Variants in C8orf90 observed in about 807,000 individuals in gnomAD.
C8orf90 encodes chromosome 8 open reading frame 90, also known as uncharacterized protein C8orf90.
the C8orf90 span, chr8:141,518,713 TA>T: frequency 1.6e-5 from 8 of 491,996 alleles, no homozygotes; most frequent in Non-Finnish European, 2.5e-5. Flanking sequence ...ACAGAATAAA[TA>T]AAGAGTTTCC....
the C8orf90 span, among the ~76,000 whole-genome samples, chr8:141,516,048 C>T: frequency 1.1e-4 from 16 of 152,170 alleles, no homozygotes; most frequent in Non-Finnish European, 1.8e-4. Flanking sequence ...TGGCATTGGG[C>T]GCTGTCCACC....
chr8:141,517,178 A>C, the C8orf90 span, among the ~76,000 whole-genome samples: 1 of 152,228 alleles, frequency 6.6e-6, no homozygotes, highest in Admixed American at 6.5e-5. Context: ...AACAGACTGA[A>C]TATTGTTACC....
chr8:141,518,114 T>C, the C8orf90 span: 1 of 519,102 alleles, frequency 1.9e-6, no homozygotes, highest in Non-Finnish European at 3.4e-6. Flanking sequence ...CCTTCCAGAC[T>C]GGCCACCTCT....
At chr8:141,516,261 C>A in the C8orf90 span, among the ~76,000 whole-genome samples, 39 of 152,220 alleles carry the variant, frequency 2.6e-4, no homozygotes, top group Non-Finnish European at 5.3e-4. Context: ...CCCCACTTCC[C>A]TTCCGTCTCC....
the C8orf90 span, chr8:141,518,608 C>A: frequency 2.0e-6 from 1 of 488,982 alleles, no homozygotes; most frequent in Non-Finnish European, 3.6e-6. Flanking sequence ...CTGCTGCTGC[C>A]CGGCCCCGCC....
At chr8:141,518,222 C>G in the C8orf90 span, 1 of 589,640 alleles carries the variant, frequency 1.7e-6, no homozygotes, top group Admixed American at 3.1e-5. Flanking sequence ...GCAGGTCCCG[C>G]GGCGCCCCCG....
chr8:141,515,096 A>G, the C8orf90 span, among the ~76,000 whole-genome samples: 1 of 151,430 alleles, frequency 6.6e-6, no homozygotes, highest in Non-Finnish European at 1.5e-5. Flanking sequence ...CCCCTTCCGG[A>G]TCATTCTCCT....
At chr8:141,518,574 GCGGGGCCCGGGCC>G in the C8orf90 span, 2 of 423,720 alleles carry the variant, frequency 4.7e-6, no homozygotes, top group East Asian at 3.9e-5. Context: ...GCGCCCGCGC[GCGGGGCCCGGGCC>G]CGGCCTCGTC....
chr8:141,518,555 C>T, the C8orf90 span: 3 of 452,056 alleles, frequency 6.6e-6, no homozygotes, highest in Non-Finnish European at 1.1e-5. Context: ...GAGCGGCTGG[C>T]CCTGAGCTGC....
the C8orf90 span, among the ~76,000 whole-genome samples, chr8:141,517,195 A>G: frequency 5.0e-4 from 40 of 79,954 alleles, no homozygotes; most frequent in African/African-American, 1.2e-3. Flanking sequence ...TACCCCTCCC[A>G]AGGGTGTTGG....
chr8:141,515,131 C>G, the C8orf90 span, among the ~76,000 whole-genome samples: 16 of 151,524 alleles, frequency 1.1e-4, no homozygotes, highest in Non-Finnish European at 1.6e-4. Flanking sequence ...TAAAACTCAG[C>G]TCTGGATCTC....
the C8orf90 span, chr8:141,518,126 T>C: frequency 3.8e-6 from 2 of 523,864 alleles, no homozygotes; most frequent in African/African-American, 4.1e-5. Flanking sequence ...GCCACCTCTC[T>C]TCGCGCCCGG....
chr8:141,518,065 G>A, the C8orf90 span: 1 of 505,442 alleles, frequency 2.0e-6, no homozygotes. Context: ...GGTGGCCCTG[G>A]CCATCCCCAG....
the C8orf90 span, chr8:141,518,417 C>A: frequency 1.5e-6 from 1 of 672,678 alleles, no homozygotes; most frequent in Admixed American, 2.1e-5. Flanking sequence ...GCCTGCGGGC[C>A]GCTCTTCTAC....
chr8:141,515,739 G>A, the C8orf90 span, among the ~76,000 whole-genome samples: 1 of 152,040 alleles, frequency 6.6e-6, no homozygotes, highest in South Asian at 2.1e-4. Flanking sequence ...CTGTTTTCTT[G>A]TACTAGTCTG....
At chr8:141,518,661 AC>A in the C8orf90 span, 23 of 539,162 alleles carry the variant, frequency 4.3e-5, no homozygotes, top group Middle Eastern at 4.1e-4. Context: ...CAGCGACGGC[AC>A]CCCCAGGCTG....
the C8orf90 span, chr8:141,514,860 C>T: frequency 1.8e-5 from 12 of 660,440 alleles, no homozygotes; most frequent in South Asian, 1.8e-4. Context: ...TCTGACCCAT[C>T]TTCCAGAAGA....
chr8:141,518,573 C>G, the C8orf90 span: 1 of 425,170 alleles, frequency 2.4e-6, no homozygotes, highest in Non-Finnish European at 4.0e-6. Context: ...TGCGCCCGCG[C>G]GCGGGGCCCG....
At chr8:141,517,974 T>C in the C8orf90 span, among the ~76,000 whole-genome samples, 471 of 152,284 alleles carry the variant, frequency 3.1e-3, 4 homozygotes, top group African/African-American at 0.011. Flanking sequence ...TCCCCTTCCG[T>C]ACACCCAGGA....
Sources: gnomAD v4.1 joint callset for allele counts (sites outside exome capture counted in the v4.1 genomes callset) on GRCh38, gnomAD v4.1.1 for gene constraint, MANE v1.5 for transcripts, NCBI Gene and HGNC (gene_info 2026-07-23, HGNC 2026-07-21) for gene names.